Variants in PPP1R10 observed in about 807,000 individuals in gnomAD.
PPP1R10 encodes serine/threonine-protein phosphatase 1 regulatory subunit 10.
PPP1R10 carries 15 observed loss-of-function variants against 99.0 expected under a neutral mutation model. That is an observed-to-expected ratio of 0.15 (90% CI 0.10 to 0.23). PPP1R10 has a LOEUF of 0.23. PPP1R10 is among the 10% of genes least tolerant of loss of function. The probability of loss-of-function intolerance (pLI) is 1.00; values close to 1 mark genes in which losing one functional copy is unlikely to be tolerated. For synonymous variants in PPP1R10, 430 were observed against 449.5 expected (o/e 0.96, Z 0.55); for missense variants, 947 against 1,259.4 (o/e 0.75, Z 3.75).
At chr6:30,614,986 T>C (rs1207890157) in intron 2 of PPP1R10, among the ~76,000 whole-genome samples, 1 of 152,198 alleles carries the variant, frequency 6.6e-6, no homozygotes, top group Non-Finnish European at 1.5e-5. Context: ...CAAAAGCATC[T>C]GCTCAGGGGT....
At chr6:30,608,446 C>A (rs112556607) in intron 5 of PPP1R10, among the ~76,000 whole-genome samples, 1 of 152,072 alleles carries the variant, frequency 6.6e-6, no homozygotes, top group African/African-American at 2.4e-5. Flanking sequence ...GGACTACAGG[C>A]GCATGCCACC....
At position 30,615,792 on chromosome 6, in the gene PPP1R10, A is replaced by C. The variant is rs140031336; in HGVS notation, c.-12+686T>G. ...TTATAAGACATTCTTTACCTCCCCA[A>C]CTATTATCTTGTATGTACTGGCACT... On this transcript the variant is annotated intron_variant, in intron 2 of 19. Transcript: ENST00000376511. Among the ~76,000 whole-genome samples, 1,423 of 152,186 alleles carry C rather than the reference A, an allele frequency of 9.4e-3. 7 individuals are homozygous for C. Among genetic ancestry groups the C allele is most frequent in the Middle Eastern group, 0.034 (10 of 294 alleles).
Position 30,602,447 on chromosome 6 carries a change from G to T in PPP1R10, c.2202C>A (p.Pro734=), listed in dbSNP as rs147694419. The T allele has an allele frequency of 1.4e-3, 2,172 of 1,601,560 alleles. 4 individuals carry two copies. Among genetic ancestry groups the T allele is most frequent in the Middle Eastern group, 6.7e-3 (40 of 6,002 alleles). ...GARGGRSGGG[P]PNGRGGPGGG... ...CACCAGGGCCCCCTCGTCCATTTGG[G>T]GGTCCTCCTCCAGAGCGACCTCCTC... Residue 734 remains proline, a synonymous_variant, in exon 19 of 20, where the codon CCC becomes CCA. Coordinates refer to ENST00000376511, the MANE Select transcript of PPP1R10 (RefSeq NM_002714.4). This position sits in a 1 kb window ranked among gnomAD's most constrained non-coding sequence, Gnocchi z 6.7.
Position 30,603,827 on chromosome 6 carries a change from G to C in PPP1R10, c.1525C>G (p.Pro509Ala). ...GGGGGTATGGGCTCGTAGGGCTCAG[G>C]ATCAGGCTCATGAGGACTATCAGGA... The part of the protein sequence containing the change: ...LNKESPHEPD[P>A]EPYEPIPPKL... The change falls in exon 15 of 20, where the codon CCT becomes GCT. Residue 509 changes from proline to alanine, a missense_variant. Coordinates refer to ENST00000376511, the MANE Select transcript of PPP1R10 (RefSeq NM_002714.4). 6.5e-7 allele frequency: 1 copy of C among 1,538,748 alleles called. No homozygotes were observed. The highest frequency in any genetic ancestry group is 1.3e-5 in the South Asian group (1 of 79,008).
At chr6:30,607,964 A>T in intron 5 of PPP1R10, 73 bp from the exon 6 acceptor site, 1 of 1,429,898 alleles carries the variant, frequency 7.0e-7, no homozygotes. Flanking sequence ...AAAAACGACA[A>T]AAGTTACAGT....
intron 2 of PPP1R10, among the ~76,000 whole-genome samples, chr6:30,612,665 A>T (rs1367182829): frequency 6.6e-6 from 1 of 152,140 alleles, no homozygotes; most frequent in Non-Finnish European, 1.5e-5. Context: ...TTCCTTCAGG[A>T]AGATTAGTTC....
At chr6:30,612,273 T>C (rs1489161010) in intron 2 of PPP1R10, among the ~76,000 whole-genome samples, 2 of 152,210 alleles carry the variant, frequency 1.3e-5, no homozygotes, top group African/African-American at 4.8e-5. Context: ...CCTTTTTGCA[T>C]ATCCAACTAC....
rs754607614 is a variant in PPP1R10 at position 30,609,064 on chromosome 6, G to C, written c.194+13C>G. On this transcript the variant is annotated intron_variant, in intron 4 of 19. Transcript: ENST00000376511. This position sits in a 1 kb window ranked among gnomAD's most constrained non-coding sequence, Gnocchi z 4.5. ...TACACCTTCCCATTCCAACCATCCA[G>C]ATCCCCACTTACTTGACCAATATTT... The C allele has an allele frequency of 8.7e-5, 141 of 1,613,904 alleles. No homozygotes were observed. The highest frequency in any genetic ancestry group is 3.5e-4 in the Admixed American group (21 of 59,982).
intron 2 of PPP1R10, among the ~76,000 whole-genome samples, chr6:30,613,226 T>C (rs1391128310): frequency 1.3e-5 from 2 of 152,178 alleles, no homozygotes; most frequent in African/African-American, 4.8e-5. Flanking sequence ...TGAAAAAATA[T>C]CCAGCATAGC....
chr6:30,610,035 C>A (rs1804395605), intron 2 of PPP1R10, 80 bp from the exon 3 acceptor site: 1 of 851,072 alleles, frequency 1.2e-6, no homozygotes, highest in Non-Finnish European at 2.0e-6. Context: ...TCTAATAAAC[C>A]ACATCTCTAT....
intron 2 of PPP1R10, 129 bp from the exon 3 acceptor site, chr6:30,610,084 A>AT (rs956340423): frequency 1.5e-5 from 10 of 651,898 alleles, no homozygotes; most frequent in East Asian, 5.5e-5. Flanking sequence ...CAACTATGCT[A>AT]TTTTTTAGAT....
In PPP1R10 at chr6:30,606,385, T is replaced by C. The variant is rs1199736499; in HGVS notation, c.634+83A>G. 5 of 1,581,588 alleles carry C rather than the reference T, an allele frequency of 3.2e-6. No individual in the cohort carries two copies. Among genetic ancestry groups the C allele is most frequent in the Admixed American group, 3.4e-5 (2 of 58,318 alleles). On this transcript the variant is annotated intron_variant, in intron 8 of 19. Transcript: ENST00000376511. This position sits in a 1 kb window ranked among gnomAD's most constrained non-coding sequence, Gnocchi z 6.3. ...TCTTCCCTCTTCCTTACGATTAACA[T>C]ACCACACATCAAATGATTCCCCCAT... is the stretch of plus-strand genomic sequence containing the variant.
At chr6:30,614,564 A>G (rs1220050194) in intron 2 of PPP1R10, 4 of 152,188 alleles carry the variant, frequency 2.6e-5, no homozygotes, top group Non-Finnish European at 4.4e-5. Flanking sequence ...CCCGATTCTC[A>G]TTACACAAAG....
chr6:30,603,098 T>G (rs903001998), intron 17 of PPP1R10, 112 bp downstream of exon 17: 46 of 1,447,612 alleles, frequency 3.2e-5, no homozygotes, highest in Non-Finnish European at 3.9e-6. Context: ...CCCTCCCATT[T>G]CTTGCCTAGT....
chr6:30,606,074 C>A lies in PPP1R10; in HGVS notation c.741-39G>T. The A allele has an allele frequency of 6.2e-7, 1 of 1,612,114 alleles. No individual in the cohort carries two copies. The highest frequency in any genetic ancestry group is 1.7e-5 in the Admixed American group (1 of 59,994). On this transcript the variant is annotated intron_variant, in intron 9 of 19. Coordinates refer to ENST00000376511, the MANE Select transcript of PPP1R10 (RefSeq NM_002714.4). This position sits in a 1 kb window ranked among gnomAD's most constrained non-coding sequence, Gnocchi z 6.3. ...AACTGTCATCAACATCTCCGACTCA[C>A]CCCCTCCTGCTCCCTTGTGTCCACA...
In PPP1R10 at chr6:30,606,397, A is replaced by T; in HGVS notation, c.634+71T>A. On this transcript the variant is annotated intron_variant, in intron 8 of 19. Transcript: ENST00000376511. The surrounding 1 kb of genome is among the most constrained non-coding windows in gnomAD (Gnocchi z 6.3). ...CTTACGATTAACATACCACACATCAAATGATTCCCCCATAAGGCTCTGGGT... is the reference window on the plus strand; with the variant it reads ...CTTACGATTAACATACCACACATCATATGATTCCCCCATAAGGCTCTGGGT... The T allele has an allele frequency of 2.5e-6, 4 of 1,589,498 alleles. No individual in the cohort carries two copies. Among genetic ancestry groups the T allele is most frequent in the Non-Finnish European group, 3.4e-6 (4 of 1,164,474 alleles).
At chr6:30,613,114 C>G (rs570056698) in intron 2 of PPP1R10, among the ~76,000 whole-genome samples, 1 of 152,182 alleles carries the variant, frequency 6.6e-6, no homozygotes, top group Non-Finnish European at 1.5e-5. Context: ...TGGCACAAGG[C>G]ATTGGGGAAT....
At chr6:30,608,042 G>A in intron 5 of PPP1R10, 151 bp from the exon 6 acceptor site, 1 of 752,002 alleles carries the variant, frequency 1.3e-6, no homozygotes, top group Non-Finnish European at 2.1e-6. Flanking sequence ...AGGCTAGAGT[G>A]CAGTGGCGCA....
At chr6:30,614,983 A>G (rs1465239180) in intron 2 of PPP1R10, among the ~76,000 whole-genome samples, 1 of 152,216 alleles carries the variant, frequency 6.6e-6, no homozygotes, top group Non-Finnish European at 1.5e-5. Context: ...GTGCAAAAGC[A>G]TCTGCTCAGG....
Sources: allele counts gnomAD v4.1 joint callset (sites outside exome capture counted in the v4.1 genomes callset), GRCh38; gene constraint gnomAD v4.1.1; non-coding constraint Gnocchi (gnomAD v3.1); transcripts MANE v1.5; gene names NCBI Gene and HGNC (gene_info 2026-07-23, HGNC 2026-07-21).